Variants in EML4 observed in about 807,000 individuals in gnomAD.
The protein encoded by EML4 is EMAP like 4, also known as echinoderm microtubule-associated protein-like 4.
In EML4, 72 loss-of-function variants were observed where a neutral mutation model predicts 129.0. The observed-to-expected ratio is 0.56, with a 90% CI of 0.46 to 0.68. The LOEUF (loss-of-function observed/expected upper bound fraction) is 0.68, where lower values mean the gene tolerates loss of function less well. Ranked by LOEUF, EML4 falls within the 30% of genes least tolerant of loss-of-function variation. EML4 has a pLI of 0.00. For missense variants in EML4, 1,363 were observed against 1,190.6 expected, an observed-to-expected ratio of 1.14 and a Z score of -2.13; for synonymous variants, 532 against 405.0, an observed-to-expected ratio of 1.31 and a Z score of -3.77.
chr2:42,265,074 C>A (rs1369475577), intron 6 of EML4: 3 of 913,224 alleles, frequency 3.3e-6, no homozygotes, highest in Non-Finnish European at 5.0e-6. Flanking sequence ...GTGATTTGAG[C>A]TAGATGAATC....
At chr2:42,265,266 T>G (rs189926404) in intron 6 of EML4, among the ~76,000 whole-genome samples, 25 of 152,100 alleles carry the variant, frequency 1.6e-4, no homozygotes, top group Non-Finnish European at 3.2e-4. Flanking sequence ...TGTTTTTTGT[T>G]TGTTTGTTTT....
rs1349403346 is a variant in EML4, at chr2:42,169,628, G to T, written c.17G>T (p.Gly6Val). 1 of 1,601,908 alleles carries T rather than the reference G, an allele frequency of 6.2e-7. No homozygotes were observed. Among genetic ancestry groups the T allele is most frequent in the East Asian group, 2.3e-5 (1 of 43,714 alleles). ...CCCCGCAAGATGGACGGTTTCGCCG[G>T]CAGTCTCGGTGAGTACGGCTGGGGA... is the stretch of plus-strand genomic sequence containing the variant. MDGFA[G>V]SLDDSISAAS... The change falls in exon 1 of 23, where the codon GGC (glycine) becomes GTC (valine). Residue 6 changes from glycine to valine, a missense_variant. Coordinates refer to ENST00000318522, the MANE Select transcript of EML4 (RefSeq NM_019063.5).
chr2:42,247,443 C>A (rs1675482149), intron 2 of EML4, among the ~76,000 whole-genome samples: 1 of 152,010 alleles, frequency 6.6e-6, no homozygotes, highest in Non-Finnish European at 1.5e-5. Flanking sequence ...TATCATTCTG[C>A]CCGGTTTTGT....
At chr2:42,259,750 G>C (rs1665599207) in intron 3 of EML4, among the ~76,000 whole-genome samples, 1 of 92,842 alleles carries the variant, frequency 1.1e-5, no homozygotes, top group African/African-American at 4.9e-5. Flanking sequence ...TTTTTTTTGA[G>C]ACGGCGTCTC....
At chr2:42,287,266 A>G (rs985280252) in intron 10 of EML4, among the ~76,000 whole-genome samples, 2 of 152,188 alleles carry the variant, frequency 1.3e-5, no homozygotes, top group Admixed American at 6.5e-5. Context: ...CAAGGGTCCA[A>G]CAAGTCAGGA....
Position 42,259,733 on chromosome 2 carries a change from T to C in EML4, c.339-1388T>C, listed in dbSNP as rs1240763418. Among the ~76,000 whole-genome samples, 824 of 138,366 alleles carry C rather than the reference T, an allele frequency of 6.0e-3. 9 individuals carry two copies. The highest frequency in any genetic ancestry group is 0.021 in the African/African-American group (784 of 36,614). The allele number at this position is 138,366 out of a possible 152,430, so 90.8% of individuals were successfully genotyped here. On this transcript the variant is annotated intron_variant, in intron 3 of 22. Coordinates refer to ENST00000318522, the MANE Select transcript of EML4 (RefSeq NM_019063.5). ...TTGTTTCTTTCTTTCTTTTTTTTTT[T>C]TTTTTTTTTTTTTTGAGACGGCGTC...
At chr2:42,188,255 A>T (rs1230827584) in intron 1 of EML4, among the ~76,000 whole-genome samples, 2 of 152,164 alleles carry the variant, frequency 1.3e-5, no homozygotes, top group African/African-American at 4.8e-5. Context: ...TTTCAATTAA[A>T]ATTTTTATAT....
chr2:42,264,570 A>G (rs1349663163), intron 5 of EML4, 136 bp from the exon 6 acceptor site: 3 of 637,704 alleles, frequency 4.7e-6, no homozygotes, highest in Non-Finnish European at 8.4e-6. Flanking sequence ...AAAAATGCTG[A>G]TTTCTTACTT....
intron 2 of EML4, among the ~76,000 whole-genome samples, chr2:42,254,050 C>G (rs1397439439): frequency 2.0e-5 from 3 of 152,170 alleles, no homozygotes; most frequent in African/African-American, 2.4e-5. Context: ...ATTTGAAGAA[C>G]TCATATGCCT....
intron 19 of EML4, among the ~76,000 whole-genome samples, chr2:42,322,182 A>G (rs1030779163): frequency 2.0e-5 from 3 of 152,240 alleles, no homozygotes; most frequent in Non-Finnish European, 4.4e-5. Flanking sequence ...CGGTATTTCA[A>G]ATCAGTAGAG....
At chr2:42,235,769 G>A (rs942492096) in intron 1 of EML4, among the ~76,000 whole-genome samples, 2 of 151,484 alleles carry the variant, frequency 1.3e-5, no homozygotes, top group Non-Finnish European at 2.9e-5. Context: ...CATACTATTA[G>A]GCCTCAAAAC....
chr2:42,251,023 A>T (rs961725210), intron 2 of EML4, among the ~76,000 whole-genome samples: 1 of 152,126 alleles, frequency 6.6e-6, no homozygotes, highest in Non-Finnish European at 1.5e-5. Context: ...ACCGCCACTG[A>T]TCTGACAGGA....
At chr2:42,313,789 C>T (rs1361954287) in intron 17 of EML4, among the ~76,000 whole-genome samples, 1 of 151,826 alleles carries the variant, frequency 6.6e-6, no homozygotes, top group African/African-American at 2.4e-5. Flanking sequence ...ATTATCTGGG[C>T]GTGGTGGCAC....
At chr2:42,195,650 T>C (rs1671858501) in intron 1 of EML4, among the ~76,000 whole-genome samples, 2 of 152,226 alleles carry the variant, frequency 1.3e-5, no homozygotes, top group South Asian at 4.1e-4. Context: ...TGAGTTATCT[T>C]TTAAGAGGCT....
At chr2:42,281,044 C>G in intron 7 of EML4, 71 bp downstream of exon 7, 1 of 1,231,048 alleles carries the variant, frequency 8.1e-7, no homozygotes, top group Non-Finnish European at 1.1e-6. Context: ...AACGTATTCT[C>G]TGTCAAAATT....
At chr2:42,310,863 C>G (rs1259354374) in intron 17 of EML4, among the ~76,000 whole-genome samples, 2 of 152,022 alleles carry the variant, frequency 1.3e-5, no homozygotes, top group East Asian at 3.9e-4. Flanking sequence ...AGACTCTGAG[C>G]CCAAAAGTCT....
chr2:42,230,685 C>T (rs780710908), intron 1 of EML4, among the ~76,000 whole-genome samples: 5 of 152,174 alleles, frequency 3.3e-5, no homozygotes, highest in East Asian at 1.9e-4. Flanking sequence ...GGATTACAGG[C>T]GTGAGCCACC....
intron 6 of EML4, among the ~76,000 whole-genome samples, chr2:42,265,766 G>C (rs1666027361): frequency 6.6e-6 from 1 of 152,156 alleles, no homozygotes; most frequent in African/African-American, 2.4e-5. Context: ...CTGAAAATAT[G>C]ATGAGTCTAG....
rs1017905711 is a variant in EML4, at chr2:42,227,791, GA to G, written c.26-17713del. Among the ~76,000 whole-genome samples, 4 of 152,188 alleles carry G rather than the reference GA, an allele frequency of 2.6e-5. No homozygotes were observed. In the East Asian group the frequency reaches 5.8e-4, roughly 22 times the overall value. On this transcript the variant is annotated intron_variant, in intron 1 of 22. Transcript: ENST00000318522. Reference sequence around the variant, plus strand: ...ATGAATAGTGAATATATTTTCTCATGATTTTTTTAACATATCACCTTATAAA... The same window carrying G: ...ATGAATAGTGAATATATTTTCTCATGTTTTTTTAACATATCACCTTATAAA...
Sources: gnomAD v4.1 joint callset for allele counts (sites outside exome capture counted in the v4.1 genomes callset) on GRCh38, gnomAD v4.1.1 for gene constraint, MANE v1.5 for transcripts, NCBI Gene and HGNC (gene_info 2026-07-23, HGNC 2026-07-21) for gene names.